Variants in GADL1 observed in about 807,000 individuals in gnomAD.
GADL1 encodes the protein acidic amino acid decarboxylase GADL1.
GADL1 carries 71 observed loss-of-function variants against 69.5 expected under a neutral mutation model. The observed-to-expected ratio is 1.02, with a 90% CI of 0.84 to 1.25. The LOEUF is 1.25. Ranked by LOEUF, GADL1 falls within the 50% of genes most tolerant of loss-of-function variation. The pLI is 0.00. For missense variants in GADL1, 737 were observed against 631.8 expected (o/e 1.17, Z -1.79); for synonymous variants, 254 against 214.4 (o/e 1.18, Z -1.62).
chr3:30,818,617 G>C (rs1398935122), intron 11 of GADL1, among the ~76,000 whole-genome samples: 1 of 152,078 alleles, frequency 6.6e-6, no homozygotes, highest in Admixed American at 6.6e-5. Context: ...TGAATTTCAA[G>C]CACATTATAA....
At chr3:30,830,955 A>G (rs1051271427) in intron 11 of GADL1, among the ~76,000 whole-genome samples, 5 of 150,552 alleles carry the variant, frequency 3.3e-5, no homozygotes, top group African/African-American at 9.8e-5. Flanking sequence ...ATCTCCCATA[A>G]TTGATAATTG....
intron 4 of GADL1, among the ~76,000 whole-genome samples, chr3:30,854,250 T>G (rs1575235637): frequency 6.6e-6 from 1 of 152,212 alleles, no homozygotes; most frequent in Non-Finnish European, 1.5e-5. Flanking sequence ...CCCATTCATA[T>G]GAATACTTAG....
intron 6 of GADL1, among the ~76,000 whole-genome samples, chr3:30,845,990 G>T (rs537798425): frequency 6.6e-6 from 1 of 151,710 alleles, no homozygotes; most frequent in African/African-American, 2.4e-5. Flanking sequence ...AATTAGAAAA[G>T]TGGAGCTATC....
rs373619754 is a variant in GADL1 at position 30,774,233 on chromosome 3, T to G, written c.1392+3946A>C. Among the ~76,000 whole-genome samples, 543 of 152,292 alleles carry G rather than the reference T, an allele frequency of 3.6e-3. 2 individuals carry two copies. Among genetic ancestry groups the G allele is most frequent in the African/African-American group, 0.012 (493 of 41,548 alleles). On this transcript the variant is annotated intron_variant, in intron 14 of 14. Coordinates refer to ENST00000282538, the MANE Select transcript of GADL1 (RefSeq NM_207359.3). ...CAGAGGTGTCAGCTGCCCTGCACTG[T>G]GTAGAGCAATCTTGAGTGACATTGA...
At chr3:30,887,199 G>T (rs1485557922) in intron 1 of GADL1, among the ~76,000 whole-genome samples, 1 of 152,180 alleles carries the variant, frequency 6.6e-6, no homozygotes, top group Non-Finnish European at 1.5e-5. Flanking sequence ...GGACTGAGAA[G>T]GAGGACACAC....
intron 12 of GADL1, among the ~76,000 whole-genome samples, chr3:30,796,447 G>A (rs1474688166): frequency 1.3e-5 from 2 of 152,280 alleles, no homozygotes; most frequent in East Asian, 3.9e-4. Flanking sequence ...TGCCGAGAGA[G>A]AGCAGGTGAA....
In GADL1 at chr3:30,839,156, C is replaced by T. The variant is rs1355732899; in HGVS notation, c.787-43G>A. The T allele has an allele frequency of 2.3e-6, 3 of 1,286,368 alleles. No individual in the cohort carries two copies. In the African/African-American group the frequency reaches 4.6e-5, roughly 20 times the overall value. 79.7% of individuals were successfully genotyped at this position (1,286,368 alleles called of 1,614,324 possible). A position where few individuals can be genotyped will look rare whatever the true frequency, so the allele number is the denominator to read the frequency against. On this transcript the variant is annotated intron_variant, in intron 8 of 14. Transcript: ENST00000282538. ...ACACACAAAATTATCACTGTCATCACTAAATTTGTCCTGTAATAGCTGGAA... is the reference window on the plus strand; with the variant it reads ...ACACACAAAATTATCACTGTCATCATTAAATTTGTCCTGTAATAGCTGGAA...
chr3:30,751,965 A>C (rs544463756), intron 14 of GADL1, among the ~76,000 whole-genome samples: 26 of 150,048 alleles, frequency 1.7e-4, no homozygotes, highest in African/African-American at 6.6e-4. Flanking sequence ...TGAAAAGAAC[A>C]ACAGCAAAGA....
intron 14 of GADL1, among the ~76,000 whole-genome samples, chr3:30,772,413 G>A (rs1696437754): frequency 6.6e-6 from 1 of 152,252 alleles, no homozygotes; most frequent in East Asian, 1.9e-4. Flanking sequence ...GAGTAATGAT[G>A]GGGCAAAACA....
chr3:30,784,771 T>A (rs961440227), intron 13 of GADL1, among the ~76,000 whole-genome samples: 9 of 152,152 alleles, frequency 5.9e-5, no homozygotes, highest in African/African-American at 2.2e-4. Flanking sequence ...ACTCCTGTCT[T>A]CTTAAAACAT....
intron 8 of GADL1, among the ~76,000 whole-genome samples, chr3:30,842,111 A>G (rs1697976061): frequency 1.3e-5 from 2 of 152,092 alleles, no homozygotes; most frequent in South Asian, 2.1e-4. Flanking sequence ...ATCAGAAAAC[A>G]TTTACATTTG....
chr3:30,817,967 C>G (rs1697503452), intron 11 of GADL1, among the ~76,000 whole-genome samples: 1 of 152,166 alleles, frequency 6.6e-6, no homozygotes, highest in East Asian at 1.9e-4. Context: ...AGATACAATT[C>G]TTGTTTTTTT....
intron 4 of GADL1, among the ~76,000 whole-genome samples, chr3:30,853,191 A>T (rs1462513591): frequency 6.6e-6 from 1 of 151,490 alleles, no homozygotes; most frequent in Non-Finnish European, 1.5e-5. Context: ...TTCTCTCCCC[A>T]CTCTATACTC....
chr3:30,761,866 A>T (rs775195479), intron 14 of GADL1, among the ~76,000 whole-genome samples: 4 of 152,150 alleles, frequency 2.6e-5, no homozygotes, highest in Non-Finnish European at 5.9e-5. Context: ...AAACAGCACA[A>T]CACAAATGCT....
intron 14 of GADL1, among the ~76,000 whole-genome samples, chr3:30,773,647 TACA>T (rs1197389810): frequency 6.6e-6 from 1 of 152,190 alleles, no homozygotes; most frequent in African/African-American, 2.4e-5. Context: ...GTCTGGACAC[TACA>T]AATTTGTTTA....
At chr3:30,853,830 G>A (rs761740850) in intron 4 of GADL1, among the ~76,000 whole-genome samples, 3 of 151,868 alleles carry the variant, frequency 2.0e-5, no homozygotes, top group Admixed American at 6.6e-5. Context: ...TCTCTCACCC[G>A]ACTAAAGTAA....
In GADL1 at chr3:30,766,892, CTAT is replaced by C. The variant is rs778367572; in HGVS notation, c.1392+11284_1392+11286del. Among the ~76,000 whole-genome samples the C allele has an allele frequency of 4.3e-4, 66 of 152,194 alleles. No homozygotes were observed. In the South Asian group the frequency reaches 7.1e-3, roughly 16 times the overall value. On this transcript the variant is annotated intron_variant, in intron 14 of 14. Coordinates refer to ENST00000282538, the MANE Select transcript of GADL1 (RefSeq NM_207359.3). ...TATTGAGAGTTGGACTTTAGGAAGT[CTAT>C]TATTGTGATAGTGTTAAGGTATTTT... is the stretch of plus-strand genomic sequence containing the variant.
intron 14 of GADL1, among the ~76,000 whole-genome samples, chr3:30,750,453 C>T (rs1244873771): frequency 1.3e-5 from 2 of 152,172 alleles, no homozygotes; most frequent in Non-Finnish European, 2.9e-5. Flanking sequence ...CCGATACTGT[C>T]GGCCTCCCTC....
chr3:30,770,739 CTTTA>C (rs1367009855), intron 14 of GADL1, among the ~76,000 whole-genome samples: 3 of 152,028 alleles, frequency 2.0e-5, no homozygotes, highest in Admixed American at 6.6e-5. Flanking sequence ...CAGCTTCATT[CTTTA>C]TTTTAATTTT....
Sources: allele counts gnomAD v4.1 joint callset (sites outside exome capture counted in the v4.1 genomes callset), GRCh38; gene constraint gnomAD v4.1.1; transcripts MANE v1.5; gene names NCBI Gene and HGNC (gene_info 2026-07-23, HGNC 2026-07-21).